The following FOXK1 variants were observed in gnomAD, a reference collection of about 807,000 sequenced individuals.
FOXK1 encodes forkhead box protein K1.
A neutral mutation model predicts 51.9 loss-of-function variants in FOXK1; 19 were observed. The ratio of observed to expected loss-of-function variants is 0.37; its 90% CI spans 0.26 to 0.54. The LOEUF (loss-of-function observed/expected upper bound fraction) is 0.54. Ranked by LOEUF, FOXK1 falls within the 20% of genes least tolerant of loss-of-function variation. FOXK1 has a pLI of 0.87. For missense variants in FOXK1, 870 were observed against 1,032.7 expected (o/e 0.84, Z 2.16); for synonymous variants, 537 against 482.6 (o/e 1.11, Z -1.48).
At position 4,715,278 on chromosome 7, in the gene FOXK1, G is replaced by A. The variant is rs1780220358; in HGVS notation, c.561-25560G>A. Among the ~76,000 whole-genome samples the A allele has an allele frequency of 6.6e-6, 1 of 151,900 alleles. No individual in the cohort carries two copies. The highest frequency in any genetic ancestry group is 2.4e-5 in the African/African-American group (1 of 41,252). The stretch of plus-strand genomic sequence containing the variant: ...GGTGCATGGTGTTTTGTTTCAAGGA[G>A]AGATCGTAAGTCATGGCTTCAGTTT... On this transcript the variant is annotated intron_variant, in intron 1 of 8. Coordinates refer to ENST00000328914, the MANE Select transcript of FOXK1 (RefSeq NM_001037165.2). This position sits in a 1 kb window ranked among gnomAD's most constrained non-coding sequence, Gnocchi z 4.5.
At position 4,715,807 on chromosome 7, in the gene FOXK1, T is replaced by A. The variant is rs76028975; in HGVS notation, c.561-25031T>A. ...AGCGCTCCCATCCACAGCCGGCTCT[T>A]TGAATACTTAAAGAAATGTAGGAAA... is the stretch of plus-strand genomic sequence containing the variant. On this transcript the variant is annotated intron_variant, in intron 1 of 8. Coordinates refer to ENST00000328914, the MANE Select transcript of FOXK1 (RefSeq NM_001037165.2). This position sits in a 1 kb window ranked among gnomAD's most constrained non-coding sequence, Gnocchi z 4.5. Among the ~76,000 whole-genome samples, 18,725 of 152,106 alleles carry A rather than the reference T, an allele frequency of 0.12. 1,936 individuals carry two copies. The highest frequency in any genetic ancestry group is 0.29 in the African/African-American group (11,927 of 41,450).
rs1417076913 is a variant in FOXK1 at position 4,749,688 on chromosome 7, G to A, written c.747-4771G>A. 6.6e-6 allele frequency among the ~76,000 whole-genome samples: 1 copy of A among 152,160 alleles called. No homozygotes were observed. Among genetic ancestry groups the A allele is most frequent in the Non-Finnish European group, 1.5e-5 (1 of 68,014 alleles). On this transcript the variant is annotated intron_variant, in intron 2 of 8. Coordinates refer to ENST00000328914, the MANE Select transcript of FOXK1 (RefSeq NM_001037165.2). The surrounding 1 kb of genome is among the most constrained non-coding windows in gnomAD (Gnocchi z 6.0). ...GGAAGCGATAACTGTCCCGACCCTAGGCCTCTCAGGGTGGCCTTCTCAGCC... is the reference window on the plus strand; with the variant it reads ...GGAAGCGATAACTGTCCCGACCCTAAGCCTCTCAGGGTGGCCTTCTCAGCC...
At position 4,762,293 on chromosome 7, in the gene FOXK1, G is replaced by T. The variant is rs528417588; in HGVS notation, c.2031G>T (p.Ala677=). The change falls in exon 9 of 9, where the codon GCG becomes GCT. Residue 677 remains alanine (A), a synonymous_variant. Coordinates refer to ENST00000328914, the MANE Select transcript of FOXK1 (RefSeq NM_001037165.2). The surrounding 1 kb of genome is among the most constrained non-coding windows in gnomAD (Gnocchi z 5.7). ...VGPKEPAAAV[A]ATATTTPATA... ...CCAAGGAGCCAGCAGCAGCCGTCGC[G>T]GCCACGGCCACCACCACCCCAGCCA... 6.5e-7 allele frequency: 1 copy of T among 1,550,336 alleles called. No individual in the cohort carries two copies. Among genetic ancestry groups the T allele is most frequent in the East Asian group, 2.4e-5 (1 of 40,904 alleles).
In FOXK1 at chr7:4,745,151, G is replaced by A. The variant is rs943676120; in HGVS notation, c.746+4128G>A. The stretch of plus-strand genomic sequence containing the variant: ...GGGAGGTGGGAGCGGGGCCAGGCCA[G>A]AAGAGCTGGCTGCCTGCAAGGCTGT... On this transcript the variant is annotated intron_variant, in intron 2 of 8. Transcript: ENST00000328914. This position sits in a 1 kb window ranked among gnomAD's most constrained non-coding sequence, Gnocchi z 4.3. Among the ~76,000 whole-genome samples, 1 of 152,222 alleles carries A rather than the reference G, an allele frequency of 6.6e-6. No individual in the cohort carries two copies. The highest frequency in any genetic ancestry group is 1.5e-5 in the Non-Finnish European group (1 of 68,042).
Position 4,756,706 on chromosome 7 carries a change from A to G in FOXK1, c.1051-288A>G, listed in dbSNP as rs960043571. On this transcript the variant is annotated intron_variant, in intron 4 of 8. Transcript: ENST00000328914. This position sits in a 1 kb window ranked among gnomAD's most constrained non-coding sequence, Gnocchi z 4.1. ...CTTGAACCCGGGAGGCGGAACTTGC[A>G]GTGAGCCGAGATCGTGCCACTGCAC... Among the ~76,000 whole-genome samples, 1 of 151,880 alleles carries G rather than the reference A, an allele frequency of 6.6e-6. No individual in the cohort carries two copies. The highest frequency in any genetic ancestry group is 6.6e-5 in the Admixed American group (1 of 15,262).
chr7:4,742,973 C>T (rs886810244), intron 2 of FOXK1, among the ~76,000 whole-genome samples: 1 of 152,138 alleles, frequency 6.6e-6, no homozygotes, highest in Non-Finnish European at 1.5e-5. Flanking sequence ...GGAGAGGCCC[C>T]GGGCTCAGGC....
chr7:4,720,849 C>A (rs6959744), intron 1 of FOXK1, among the ~76,000 whole-genome samples: 1 of 151,010 alleles, frequency 6.6e-6, no homozygotes, highest in African/African-American at 2.4e-5. Context: ...CTCCTGAGCA[C>A]CTGGAATTAG....
chr7:4,740,888 T>C lies in FOXK1; in HGVS notation c.611T>C (p.Leu204Pro). 6.3e-7 allele frequency: 1 copy of C among 1,594,558 alleles called. No individual in the cohort carries two copies. Among genetic ancestry groups the C allele is most frequent in the African/African-American group, 1.4e-5 (1 of 73,634 alleles). Residue 204 changes from leucine to proline, a missense_variant, in exon 2 of 9, where the codon CTC becomes CCC. Physicochemically the swap from Leu to Pro is moderately conservative, Grantham distance 98 (BLOSUM62 -3). Coordinates refer to ENST00000328914, the MANE Select transcript of FOXK1 (RefSeq NM_001037165.2). ...STAIKIQFTS[L>P]YHKEEAPASP... is the part of the protein sequence containing the mutation. ...GCCATCAAGATCCAGTTCACGTCGC[T>C]CTATCACAAAGAAGAGGCCCCAGCC...
intron 1 of FOXK1, among the ~76,000 whole-genome samples, chr7:4,718,802 C>G (rs1562377577): frequency 6.6e-6 from 1 of 152,148 alleles, no homozygotes; most frequent in Non-Finnish European, 1.5e-5. Flanking sequence ...AGGTATGTAG[C>G]TTTTGTTTTT....
chr7:4,713,138 G>T (rs557141871), intron 1 of FOXK1, among the ~76,000 whole-genome samples: 33 of 152,248 alleles, frequency 2.2e-4, no homozygotes, highest in African/African-American at 7.2e-4. Flanking sequence ...TTCTTTTCCT[G>T]CCCTATTAAT....
At position 4,688,944 on chromosome 7, in the gene FOXK1, A is replaced by G. The variant is rs185402042; in HGVS notation, c.560+6076A>G. 2.6e-3 allele frequency among the ~76,000 whole-genome samples: 392 copies of G among 149,406 alleles called. 4 individuals are homozygous for G. Among genetic ancestry groups the G allele is most frequent in the African/African-American group, 9.3e-3 (379 of 40,620 alleles). ...GTAACATTAGCAGCTTTTGGTGGTC[A>G]TTGCCTTGGATCCCTTAATTTGTTC... is the stretch of plus-strand genomic sequence containing the variant. On this transcript the variant is annotated intron_variant, in intron 1 of 8. Coordinates refer to ENST00000328914, the MANE Select transcript of FOXK1 (RefSeq NM_001037165.2).
intron 2 of FOXK1, among the ~76,000 whole-genome samples, chr7:4,752,775 C>T (rs554809878): frequency 7.2e-5 from 11 of 152,204 alleles, no homozygotes; most frequent in Non-Finnish European, 1.5e-4. Flanking sequence ...ACCGGGTGCA[C>T]AGGCGTGTGC....
chr7:4,755,625 G>C lies in FOXK1; in HGVS notation c.1050+242G>C, dbSNP rs1318324519. Among the ~76,000 whole-genome samples the C allele has an allele frequency of 1.3e-5, 2 of 152,178 alleles. No individual in the cohort carries two copies. Among genetic ancestry groups the C allele is most frequent in the South Asian group, 4.1e-4 (2 of 4,832 alleles). On this transcript the variant is annotated intron_variant, in intron 4 of 8. Coordinates refer to ENST00000328914, the MANE Select transcript of FOXK1 (RefSeq NM_001037165.2). This position sits in a 1 kb window ranked among gnomAD's most constrained non-coding sequence, Gnocchi z 6.6. ...TGCACACCTGTGGTCGCAGCTACTC[G>C]GAGGCTGAGGTGGGAGGATCACTTG...
intron 1 of FOXK1, among the ~76,000 whole-genome samples, chr7:4,701,658 C>T (rs1780022572): frequency 1.3e-5 from 2 of 152,128 alleles, no homozygotes; most frequent in South Asian, 4.1e-4. Context: ...TTTGGGAGGT[C>T]GAGGCGGGCG....
rs768611077 is a variant in FOXK1 at position 4,764,337 on chromosome 7, C to G, written c.*1873C>G. On this transcript the variant is annotated 3_prime_UTR_variant, in exon 9 of 9. Transcript: ENST00000328914. ...CCCGAATTGAGTCGTTTCTATGGCACTAACCTTTCCATGGGAAATAAGCTC... is the reference window on the plus strand; with the variant it reads ...CCCGAATTGAGTCGTTTCTATGGCAGTAACCTTTCCATGGGAAATAAGCTC... The G allele has an allele frequency of 3.9e-5, 6 of 154,430 alleles. No homozygotes were observed. The highest frequency in any genetic ancestry group is 5.9e-5 in the Non-Finnish European group (4 of 68,238). 9.6% of individuals were successfully genotyped at this position (154,430 alleles called of 1,614,324 possible).
In FOXK1 at chr7:4,724,627, C is replaced by T. The variant is rs79641754; in HGVS notation, c.561-16211C>T. Among the ~76,000 whole-genome samples the T allele has an allele frequency of 5.3e-3, 805 of 152,346 alleles. 29 individuals are homozygous for T. In the East Asian group the frequency reaches 0.056, roughly 11 times the overall value. ...TGTGTGTGTGCGCTGCGTGGCTCCA[C>T]GGCCCCCATCCTAGACTGTGGTCCA... On this transcript the variant is annotated intron_variant, in intron 1 of 8. Coordinates refer to ENST00000328914, the MANE Select transcript of FOXK1 (RefSeq NM_001037165.2).
At position 4,758,899 on chromosome 7, in the gene FOXK1, C is replaced by CG. The variant is rs1412754814; in HGVS notation, c.1245-147dup. The CG allele has an allele frequency of 2.6e-6, 2 of 770,190 alleles. No homozygotes were observed. Among genetic ancestry groups the CG allele is most frequent in the Non-Finnish European group, 4.1e-6 (2 of 493,322 alleles). 47.7% of individuals were successfully genotyped at this position (770,190 alleles called of 1,614,324 possible). A position where few individuals can be genotyped will look rare whatever the true frequency, so the allele number is the denominator to read the frequency against. ...AGTTTTAAAGGCTGGGTTCAGGTTA[C>CG]GGGGGCGTTTCTCACCGTCTGAATG... On this transcript the variant is annotated intron_variant, in intron 5 of 8. Coordinates refer to ENST00000328914, the MANE Select transcript of FOXK1 (RefSeq NM_001037165.2). This position sits in a 1 kb window ranked among gnomAD's most constrained non-coding sequence, Gnocchi z 4.4.
At chr7:4,687,419 A>G (rs1031658965) in intron 1 of FOXK1, among the ~76,000 whole-genome samples, 2 of 151,692 alleles carry the variant, frequency 1.3e-5, no homozygotes, top group East Asian at 3.9e-4. Context: ...CAGCCACCTG[A>G]GTAGCTGGGA....
chr7:4,700,427 C>T (rs980757826), intron 1 of FOXK1, among the ~76,000 whole-genome samples: 13 of 152,184 alleles, frequency 8.5e-5, no homozygotes, highest in African/African-American at 3.1e-4. Context: ...GGATTGACCC[C>T]GAGCTCCTGT....
Sources: allele counts gnomAD v4.1 joint callset (sites outside exome capture counted in the v4.1 genomes callset), GRCh38; gene constraint gnomAD v4.1.1; non-coding constraint Gnocchi (gnomAD v3.1); transcripts MANE v1.5; gene names NCBI Gene and HGNC (gene_info 2026-07-23, HGNC 2026-07-21).